VWA2: variants seen among roughly 807,000 people sequenced by gnomAD.
VWA2 encodes von Willebrand factor A domain containing 2.
VWA2 carries 73 observed loss-of-function variants against 70.4 expected under a neutral mutation model. That is an observed-to-expected ratio of 1.04 (90% CI 0.86 to 1.26). The LOEUF is 1.26. Ranked by LOEUF, VWA2 falls within the 50% of genes most tolerant of loss-of-function variation. The pLI is 0.00. For synonymous variants in VWA2, 407 were observed against 423.3 expected (o/e 0.96, Z 0.47); for missense variants, 1,011 against 998.5 (o/e 1.01, Z -0.17).
intron 4 of VWA2, among the ~76,000 whole-genome samples, 184 bp downstream of exon 4, chr10:114,255,232 T>TC (rs960368562): frequency 6.6e-6 from 1 of 151,678 alleles, no homozygotes; most frequent in African/African-American, 2.4e-5. Context: ...TCTTTTTCTT[T>TC]TTTTTTTTTT....
At chr10:114,285,644 G>C (rs1381604174) in intron 10 of VWA2, among the ~76,000 whole-genome samples, 2 of 152,208 alleles carry the variant, frequency 1.3e-5, no homozygotes, top group Non-Finnish European at 2.9e-5. Flanking sequence ...TCATGATCTT[G>C]AGGCAGACAA....
chr10:114,289,602 T>C (rs942149956), intron 12 of VWA2, 113 bp downstream of exon 12: 29 of 1,233,588 alleles, frequency 2.4e-5, no homozygotes, highest in Non-Finnish European at 3.1e-5. Flanking sequence ...GAGCACTTGC[T>C]TCCCAAGTGC....
intron 4 of VWA2, among the ~76,000 whole-genome samples, chr10:114,260,601 G>T (rs1031720640): frequency 6.6e-6 from 1 of 152,172 alleles, no homozygotes; most frequent in Non-Finnish European, 1.5e-5. Flanking sequence ...TAAGTGTTTC[G>T]CTGCTGGCTT....
At position 114,272,775 on chromosome 10, in the gene VWA2, A is replaced by T; in HGVS notation, c.407A>T (p.Tyr136Phe). 1 of 1,612,086 alleles carries T rather than the reference A, an allele frequency of 6.2e-7. No individual in the cohort carries two copies. Among genetic ancestry groups the T allele is most frequent in the Middle Eastern group, 1.7e-4 (1 of 6,058 alleles). The change falls in exon 6 of 14, where the codon TAC becomes TTC. Residue 136 changes from tyrosine to phenylalanine, a missense_variant. Tyr to Phe is a conservative substitution (Grantham distance 22, BLOSUM62 3). Transcript: ENST00000392982. ...ACGGAGACGGAACTTGCTCTGAAATACCTTCTGCACAGAGGGTTGCCTGGA... is the reference window on the plus strand; with the variant it reads ...ACGGAGACGGAACTTGCTCTGAAATTCCTTCTGCACAGAGGGTTGCCTGGA... ...GRTETELALKYLLHRGLPGGR... is the reference protein window; with the variant it reads ...GRTETELALKFLLHRGLPGGR...
intron 8 of VWA2, among the ~76,000 whole-genome samples, chr10:114,279,603 C>T (rs568581131): frequency 6.6e-6 from 1 of 152,348 alleles, no homozygotes; most frequent in East Asian, 1.9e-4. Flanking sequence ...AGGCCAGCCC[C>T]CTACATAAGG....
chr10:114,252,851 G>A lies in VWA2; in HGVS notation c.53-800G>A, dbSNP rs552198890. ...TGACCTCAGGTGATCGGCCCACCTC[G>A]GTCTCCCAAAGTGCTGGGATTACAG... is the stretch of plus-strand genomic sequence containing the variant. On this transcript the variant is annotated intron_variant, in intron 2 of 13. Transcript: ENST00000392982. Among the ~76,000 whole-genome samples the A allele has an allele frequency of 9.7e-4, 147 of 151,914 alleles. 1 individual carries two copies. The highest frequency in any genetic ancestry group is 3.2e-3 in the African/African-American group (134 of 41,400).
At chr10:114,263,382 G>A (rs961091979) in intron 5 of VWA2, among the ~76,000 whole-genome samples, 12 of 140,848 alleles carry the variant, frequency 8.5e-5, no homozygotes, top group African/African-American at 3.2e-4. Context: ...TGTTGCCCAG[G>A]CTGGAGTGCA....
At chr10:114,291,097 C>G (rs529333407) in intron 13 of VWA2, 121 bp from the exon 14 acceptor site, 531 of 1,180,972 alleles carry the variant, frequency 4.5e-4, no homozygotes, top group Non-Finnish European at 5.9e-4. Flanking sequence ...CTGGCATCTT[C>G]TGCTGGGGGC....
chr10:114,282,374 A>C (rs2038250553), intron 8 of VWA2, 142 bp from the exon 9 acceptor site: 1 of 680,238 alleles, frequency 1.5e-6, no homozygotes, highest in Admixed American at 2.2e-5. Context: ...GTTAGGGTAG[A>C]ATCAAGAAAC....
chr10:114,279,683 G>A (rs1005613399), intron 8 of VWA2, among the ~76,000 whole-genome samples: 1 of 152,232 alleles, frequency 6.6e-6, no homozygotes, highest in Non-Finnish European at 1.5e-5. Context: ...AACCTCTCAA[G>A]TGAAAGGAGG....
At chr10:114,263,768 A>G (rs1056007799) in intron 5 of VWA2, among the ~76,000 whole-genome samples, 1 of 152,234 alleles carries the variant, frequency 6.6e-6, no homozygotes, top group Admixed American at 6.5e-5. Flanking sequence ...GTACAATTCA[A>G]TAGTTTTGAA....
chr10:114,258,976 T>C (rs933593146), intron 4 of VWA2, among the ~76,000 whole-genome samples: 4 of 152,254 alleles, frequency 2.6e-5, no homozygotes, highest in Admixed American at 6.5e-5. Context: ...TTAACCCCTA[T>C]TGATGGATAT....
chr10:114,263,691 G>A (rs543282180), intron 5 of VWA2, among the ~76,000 whole-genome samples: 1 of 151,984 alleles, frequency 6.6e-6, no homozygotes, highest in Non-Finnish European at 1.5e-5. Context: ...TGTTACACAC[G>A]CTAACTTTTT....
intron 13 of VWA2, 111 bp from the exon 14 acceptor site, chr10:114,291,107 C>A: frequency 8.0e-7 from 1 of 1,250,004 alleles, no homozygotes; most frequent in Non-Finnish European, 1.1e-6. Flanking sequence ...CTGCTGGGGG[C>A]GAGGTGGGTT....
chr10:114,246,141 G>T, intron 1 of VWA2: 1 of 1,108,132 alleles, frequency 9.0e-7, no homozygotes. Flanking sequence ...GGTGTTCTTT[G>T]CTATGAATTT....
Position 114,291,702 on chromosome 10 carries a change from G to C in VWA2, c.*465G>C, listed in dbSNP as rs1413924232. The stretch of plus-strand genomic sequence containing the variant: ...GCATCCTTTGGACGGCGAAGGCCAC[G>C]GCCTTTCAAGATGGAAAGCAGCAGC... On this transcript the variant is annotated 3_prime_UTR_variant, in exon 14 of 14. Coordinates refer to ENST00000392982, the MANE Select transcript of VWA2 (RefSeq NM_001272046.2). 1.3e-5 allele frequency among the ~76,000 whole-genome samples: 2 copies of C among 152,222 alleles called. No homozygotes were observed. Among genetic ancestry groups the C allele is most frequent in the South Asian group, 2.1e-4 (1 of 4,828 alleles).
chr10:114,253,662 C>T lies in VWA2; in HGVS notation c.64C>T (p.Leu22Phe), dbSNP rs1318491854. The T allele has an allele frequency of 1.2e-6, 2 of 1,612,100 alleles. No individual in the cohort carries two copies. Among genetic ancestry groups the T allele is most frequent in the African/African-American group, 2.7e-5 (2 of 74,844 alleles). Residue 22 changes from leucine to phenylalanine, a missense_variant, in exon 3 of 14, where the codon CTC becomes TTC. By Grantham distance (22) the Leu-to-Phe change is conservative. Transcript: ENST00000392982. ...VFLFSRVPPSLPLQEVHVSKE... is the reference protein window; with the variant it reads ...VFLFSRVPPSFPLQEVHVSKE... ...GTTTTCTCTCCTAGTGCCCCCATCT[C>T]TCCCTCTCCAGGAAGTCCATGTAAG...
intron 1 of VWA2, among the ~76,000 whole-genome samples, chr10:114,244,329 G>T (rs1010656547): frequency 6.6e-6 from 1 of 152,190 alleles, no homozygotes. Context: ...CTTACCGGCA[G>T]CCCCAACACC....
intron 8 of VWA2, among the ~76,000 whole-genome samples, chr10:114,280,026 C>T (rs903073586): frequency 2.0e-5 from 3 of 152,198 alleles, no homozygotes; most frequent in African/African-American, 7.2e-5. Context: ...TCTCAGGCTG[C>T]TGAATTTTTA....
Sources: gnomAD v4.1 joint callset for allele counts (sites outside exome capture counted in the v4.1 genomes callset) on GRCh38, gnomAD v4.1.1 for gene constraint, MANE v1.5 for transcripts, NCBI Gene and HGNC (gene_info 2026-07-23, HGNC 2026-07-21) for gene names.